Variants in ERAP1 observed in about 807,000 individuals in gnomAD.
ERAP1 encodes the protein adipocyte-derived leucine aminopeptidase.
Under a neutral mutation model 103.7 loss-of-function variants are expected in ERAP1, and 86 were observed. The observed-to-expected ratio is 0.83, with a 90% CI of 0.70 to 0.99. ERAP1 has a LOEUF of 0.99. Among genes scored for constraint, ERAP1 ranks in the 50% least tolerant of loss-of-function variants. The pLI is 0.00. For missense variants in ERAP1, 1,009 were observed against 1,128.4 expected (o/e 0.89, Z 1.52); for synonymous variants, 398 against 402.4 (o/e 0.99, Z 0.13).
At chr5:96,901,468 C>T in the ERAP1 span, 9 of 1,600,868 alleles carry the variant, frequency 5.6e-6, no homozygotes, top group Admixed American at 1.0e-4. Flanking sequence ...TGGATTGTCT[C>T]CTCTCTCTTG....
At chr5:96,884,939 TC>T in the ERAP1 span, among the ~76,000 whole-genome samples, 8 of 139,742 alleles carry the variant, frequency 5.7e-5, no homozygotes, top group South Asian at 5.0e-4. Flanking sequence ...TAAATCCTTG[TC>T]TAGCAGTCAG....
At chr5:96,783,269 ATTGTCACAGGTCATTTC>A in intron 14 of ERAP1, 34 bp from the exon 15 acceptor site, 1 of 1,581,968 alleles carries the variant, frequency 6.3e-7, no homozygotes, top group Non-Finnish European at 8.6e-7. Flanking sequence ...AGGGACCAGT[ATTGTCACAGGTCATTTC>A]ATGTTAATAT....
chr5:96,774,432 C>T, downstream of ERAP1: 1 of 820,584 alleles, frequency 1.2e-6, no homozygotes, highest in Non-Finnish European at 1.5e-6. Flanking sequence ...GGATCTAAAG[C>T]AGCCCTTTTT....
the ERAP1 span, chr5:96,900,321 T>TA: frequency 7.3e-7 from 1 of 1,373,402 alleles, no homozygotes. Context: ...CGATTTTCTC[T>TA]AAAACAAAAC....
At chr5:96,806,544 G>T (rs894823282) in intron 1 of ERAP1, among the ~76,000 whole-genome samples, 10 of 151,498 alleles carry the variant, frequency 6.6e-5, no homozygotes, top group Non-Finnish European at 1.2e-4. Context: ...ACTTTGCTAA[G>T]TTCACACAAC....
At chr5:96,801,456 T>C (rs1777984200) in intron 2 of ERAP1, among the ~76,000 whole-genome samples, 1 of 122,678 alleles carries the variant, frequency 8.2e-6, no homozygotes, top group Non-Finnish European at 1.8e-5. Context: ...AGACCCTGTC[T>C]CGGGAAGAAA....
chr5:96,851,789 T>C, the ERAP1 span, among the ~76,000 whole-genome samples: 4 of 152,034 alleles, frequency 2.6e-5, no homozygotes, highest in Non-Finnish European at 5.9e-5. Flanking sequence ...GAAACTCAAG[T>C]AAGTATTGTA....
chr5:96,806,623 C>CTTTT (rs75649816), intron 1 of ERAP1, among the ~76,000 whole-genome samples: 58 of 128,012 alleles, frequency 4.5e-4, no homozygotes, highest in East Asian at 4.7e-4. Context: ...CAAGATCCCT[C>CTTTT]TTTTTTTTTT....
At chr5:96,860,050 A>T in the ERAP1 span, among the ~76,000 whole-genome samples, 3 of 152,012 alleles carry the variant, frequency 2.0e-5, no homozygotes, top group Non-Finnish European at 4.4e-5. Flanking sequence ...CAATCTGTTA[A>T]TTTTATTTAT....
At chr5:96,830,107 A>C in the ERAP1 span, among the ~76,000 whole-genome samples, 3 of 152,096 alleles carry the variant, frequency 2.0e-5, no homozygotes, top group Non-Finnish European at 4.4e-5. Context: ...GTAGGGAGGG[A>C]CCCTGGTAAA....
At chr5:96,921,680 G>A in the ERAP1 span, among the ~76,000 whole-genome samples, 1 of 152,132 alleles carries the variant, frequency 6.6e-6, no homozygotes, top group Non-Finnish European at 1.5e-5. Flanking sequence ...AGAAGGTCAG[G>A]AAACTGGTTT....
At chr5:96,911,134 G>T in the ERAP1 span, among the ~76,000 whole-genome samples, 1 of 152,158 alleles carries the variant, frequency 6.6e-6, no homozygotes, top group Non-Finnish European at 1.5e-5. Context: ...GGCAAATTAT[G>T]TCATCTTGTG....
chr5:96,786,649 AG>A, intron 11 of ERAP1, 100 bp from the exon 12 acceptor site: 1 of 776,938 alleles, frequency 1.3e-6, no homozygotes, highest in Non-Finnish European at 2.2e-6. Context: ...GTTTAGAACA[AG>A]ATAGTACCAA....
At chr5:96,835,688 T>G in the ERAP1 span, among the ~76,000 whole-genome samples, 62 of 152,234 alleles carry the variant, frequency 4.1e-4, 2 homozygotes, top group Admixed American at 3.5e-3. Flanking sequence ...ATAACAAATT[T>G]ACAGTTGTAC....
At chr5:96,859,824 C>T in the ERAP1 span, among the ~76,000 whole-genome samples, 3 of 152,134 alleles carry the variant, frequency 2.0e-5, no homozygotes, top group Non-Finnish European at 4.4e-5. Flanking sequence ...GACCTATTGA[C>T]ATCAGCCTAA....
chr5:96,794,631 G>A (rs1777145299), intron 5 of ERAP1, among the ~76,000 whole-genome samples: 1 of 152,166 alleles, frequency 6.6e-6, no homozygotes, highest in Admixed American at 6.5e-5. Flanking sequence ...ATAGTTTTAA[G>A]GGCTTGTGTA....
At chr5:96,856,349 A>AAAAAATATAT in the ERAP1 span, among the ~76,000 whole-genome samples, 1 of 8,538 alleles carries the variant, frequency 1.2e-4, no homozygotes, top group East Asian at 4.9e-3. Context: ...AAAAAAAAAA[A>AAAAAATATAT]ATATATATAT....
At chr5:96,927,837 C>T in the ERAP1 span, among the ~76,000 whole-genome samples, 1 of 152,174 alleles carries the variant, frequency 6.6e-6, no homozygotes, top group Non-Finnish European at 1.5e-5. Flanking sequence ...ATGCTAGATA[C>T]AAGTCCCTTG....
At chr5:96,845,941 G>T in the ERAP1 span, among the ~76,000 whole-genome samples, 1 of 152,122 alleles carries the variant, frequency 6.6e-6, no homozygotes, top group Non-Finnish European at 1.5e-5. Context: ...GTTCTTGGTA[G>T]TACTAGTCCA....
Sources: gnomAD v4.1 joint callset for allele counts (sites outside exome capture counted in the v4.1 genomes callset) on GRCh38, gnomAD v4.1.1 for gene constraint, MANE v1.5 for transcripts, NCBI Gene and HGNC (gene_info 2026-07-23, HGNC 2026-07-21) for gene names.